The following CSMD1 variants were observed in gnomAD, a reference collection of about 807,000 sequenced individuals.
CSMD1 encodes the protein CUB and Sushi multiple domains 1.
CSMD1 carries 213 observed loss-of-function variants against 417.5 expected under a neutral mutation model. The observed-to-expected ratio is 0.51, with a 90% CI of 0.46 to 0.57. The LOEUF is 0.57. Among genes scored for constraint, CSMD1 ranks in the 20% least tolerant of loss-of-function variants. The pLI, the probability that CSMD1 is intolerant of heterozygous loss-of-function variation, is 0.00. For missense variants in CSMD1, 6,923 were observed against 4,529.7 expected, an observed-to-expected ratio of 1.53 and a Z score of -15.17; for synonymous variants, 2,862 against 1,736.8, an observed-to-expected ratio of 1.65 and a Z score of -16.11.
chr8:3,696,608 G>A (rs6992262), intron 7 of CSMD1, among the ~76,000 whole-genome samples: 43,763 of 151,956 alleles, frequency 0.29, 7,153 homozygotes, highest in East Asian at 0.48. Flanking sequence ...AAAAATGAGC[G>A]CTTTGGAAGA....
intron 1 of CSMD1, among the ~76,000 whole-genome samples, chr8:4,827,598 G>C (rs527836641): frequency 2.6e-5 from 4 of 152,142 alleles, no homozygotes; most frequent in African/African-American, 4.8e-5. Flanking sequence ...TTTTCTTTGA[G>C]GAGCTTGTGT....
Position 3,449,520 on chromosome 8 carries a change from AT to A in CSMD1, c.1561+19191del, listed in dbSNP as rs59420305. ...AATGAACATACCTCTCATGACAGCA[AT>A]TTTTTTTTTTTTTAAGATGGAGTTT... is the stretch of plus-strand genomic sequence containing the variant. On this transcript the variant is annotated intron_variant, in intron 12 of 69. Coordinates refer to ENST00000635120, the MANE Select transcript of CSMD1 (RefSeq NM_033225.6). 8.7e-3 allele frequency among the ~76,000 whole-genome samples: 1,266 copies of A among 145,700 alleles called. 6 individuals are homozygous for A. Among genetic ancestry groups the A allele is most frequent in the Middle Eastern group, 0.011 (3 of 282 alleles).
At chr8:4,083,836 C>T (rs915647326) in intron 3 of CSMD1, among the ~76,000 whole-genome samples, 8 of 152,080 alleles carry the variant, frequency 5.3e-5, no homozygotes, top group African/African-American at 1.9e-4. Context: ...CCAAAATTGA[C>T]AAATGGGATC....
chr8:4,191,709 TAC>T (rs2131217198), intron 3 of CSMD1, among the ~76,000 whole-genome samples: 1 of 142,750 alleles, frequency 7.0e-6, no homozygotes, highest in African/African-American at 2.6e-5. Context: ...CAAATATATA[TAC>T]TCTCCTTCCA....
intron 2 of CSMD1, among the ~76,000 whole-genome samples, chr8:4,556,369 CT>C (rs1259980039): frequency 6.6e-6 from 1 of 152,160 alleles, no homozygotes; most frequent in East Asian, 1.9e-4. Context: ...CCAAAAATAA[CT>C]GTATAACAAT....
At chr8:4,313,865 T>C (rs1798769327) in intron 3 of CSMD1, among the ~76,000 whole-genome samples, 1 of 151,784 alleles carries the variant, frequency 6.6e-6, no homozygotes, top group Non-Finnish European at 1.5e-5. Context: ...AATACAAAAA[T>C]TAGCTAGGCA....
chr8:3,559,279 T>C (rs186477523), intron 10 of CSMD1, among the ~76,000 whole-genome samples: 231 of 152,330 alleles, frequency 1.5e-3, no homozygotes, highest in African/African-American at 5.0e-3. Context: ...TAACTGCCCT[T>C]GGTGTGAACA....
intron 5 of CSMD1, among the ~76,000 whole-genome samples, chr8:3,866,400 A>G (rs17067801): frequency 0.08 from 12,144 of 152,276 alleles, 553 homozygotes; most frequent in South Asian, 0.15. Flanking sequence ...CTTAGCTCAT[A>G]TGGTTTAGTA....
At chr8:3,307,314 C>G (rs1266641906) in intron 25 of CSMD1, among the ~76,000 whole-genome samples, 2 of 151,960 alleles carry the variant, frequency 1.3e-5, no homozygotes, top group Admixed American at 6.6e-5. Context: ...CCCAACCATC[C>G]CAGCTGAGGC....
At chr8:4,932,074 C>T (rs973539959) in intron 1 of CSMD1, among the ~76,000 whole-genome samples, 6 of 149,614 alleles carry the variant, frequency 4.0e-5, no homozygotes, top group African/African-American at 1.5e-4. Flanking sequence ...TAAACAATAG[C>T]ATGAATGCAT....
At chr8:3,329,589 A>G (rs751889768) in intron 23 of CSMD1, among the ~76,000 whole-genome samples, 7 of 152,136 alleles carry the variant, frequency 4.6e-5, no homozygotes, top group African/African-American at 9.7e-5. Context: ...TACCCTTCTC[A>G]TGTACCATGA....
At chr8:3,254,328 T>G (rs963003981) in intron 26 of CSMD1, among the ~76,000 whole-genome samples, 4 of 152,146 alleles carry the variant, frequency 2.6e-5, no homozygotes, top group Non-Finnish European at 4.4e-5. Context: ...CATTTTAACT[T>G]TGGTGAATCT....
chr8:3,226,149 G>T (rs891774077), intron 27 of CSMD1, among the ~76,000 whole-genome samples: 2 of 152,152 alleles, frequency 1.3e-5, no homozygotes, highest in Non-Finnish European at 2.9e-5. Context: ...ATGTCAGGAT[G>T]CTCTGTTGTC....
At chr8:3,974,970 G>C (rs1473420322) in intron 5 of CSMD1, among the ~76,000 whole-genome samples, 5 of 152,014 alleles carry the variant, frequency 3.3e-5, no homozygotes, top group Non-Finnish European at 2.9e-5. Flanking sequence ...AAGAATCCAG[G>C]ATTTTCCCTA....
At chr8:3,393,855 G>A (rs1196774661) in intron 17 of CSMD1, among the ~76,000 whole-genome samples, 1 of 150,980 alleles carries the variant, frequency 6.6e-6, no homozygotes, top group Non-Finnish European at 1.5e-5. Context: ...GTGGGGAGGG[G>A]GCAGGGATAG....
chr8:3,351,818 T>C (rs1808445144), intron 21 of CSMD1, among the ~76,000 whole-genome samples: 1 of 150,572 alleles, frequency 6.6e-6, no homozygotes, highest in African/African-American at 2.4e-5. Context: ...GTACTCACTA[T>C]TTAATTTATA....
At chr8:3,810,808 T>C (rs1490833841) in intron 5 of CSMD1, among the ~76,000 whole-genome samples, 1 of 152,156 alleles carries the variant, frequency 6.6e-6, no homozygotes, top group East Asian at 1.9e-4. Flanking sequence ...CAGGCTGACC[T>C]CACTCTTTGT....
At chr8:3,477,926 T>C (rs1029478922) in intron 11 of CSMD1, among the ~76,000 whole-genome samples, 3 of 152,194 alleles carry the variant, frequency 2.0e-5, no homozygotes, top group African/African-American at 4.8e-5. Flanking sequence ...ATCTGATTTA[T>C]AAATCAAGCT....
chr8:3,158,964 T>C (rs925979461), intron 38 of CSMD1, among the ~76,000 whole-genome samples: 3 of 152,226 alleles, frequency 2.0e-5, no homozygotes, highest in Admixed American at 6.5e-5. Flanking sequence ...AAACATTTCA[T>C]ACTCAATCCA....
Sources: allele counts gnomAD v4.1 joint callset (sites outside exome capture counted in the v4.1 genomes callset), GRCh38; gene constraint gnomAD v4.1.1; transcripts MANE v1.5; gene names NCBI Gene and HGNC (gene_info 2026-07-23, HGNC 2026-07-21).